Variants in DPYD observed in about 807,000 individuals in gnomAD.
DPYD encodes the protein dihydropyrimidine dehydrogenase [NADP(+)].
In DPYD, 109 loss-of-function variants were observed where a neutral mutation model predicts 116.2. The ratio of observed to expected loss-of-function variants is 0.94; its 90% CI spans 0.80 to 1.10. The LOEUF (loss-of-function observed/expected upper bound fraction) is 1.10. Among genes scored for constraint, DPYD ranks in the 50% least tolerant of loss-of-function variants. DPYD has a pLI of 0.00. For synonymous variants in DPYD, 440 were observed against 432.0 expected (o/e 1.02, Z -0.23); for missense variants, 1,302 against 1,254.5 (o/e 1.04, Z -0.57).
intron 8 of DPYD, among the ~76,000 whole-genome samples, chr1:97,643,341 T>C (rs1167279471): frequency 6.6e-6 from 1 of 152,152 alleles, no homozygotes; most frequent in Non-Finnish European, 1.5e-5. Flanking sequence ...AAAAAGCTCA[T>C]CATCCCTGGT....
At chr1:97,741,096 T>A (rs938148098) in intron 3 of DPYD, among the ~76,000 whole-genome samples, 2 of 152,114 alleles carry the variant, frequency 1.3e-5, no homozygotes, top group African/African-American at 4.8e-5. Flanking sequence ...GCCTTCCCTC[T>A]GCTGCTGAAG....
chr1:97,393,601 T>C (rs1175693340), intron 14 of DPYD, among the ~76,000 whole-genome samples: 2 of 152,106 alleles, frequency 1.3e-5, no homozygotes, highest in African/African-American at 2.4e-5. Flanking sequence ...GCTTCATCCA[T>C]GTCCCTACAA....
At chr1:97,752,278 A>G (rs1046781648) in intron 3 of DPYD, among the ~76,000 whole-genome samples, 3 of 148,600 alleles carry the variant, frequency 2.0e-5, no homozygotes, top group African/African-American at 7.5e-5. Flanking sequence ...AAAAATAAAA[A>G]GTAAACCTAC....
chr1:97,729,676 A>C (rs1206977385), intron 4 of DPYD, among the ~76,000 whole-genome samples: 2 of 152,042 alleles, frequency 1.3e-5, no homozygotes, highest in African/African-American at 4.8e-5. Context: ...AATGGTGGTA[A>C]ATTTTTTATA....
chr1:97,370,441 G>A (rs189144065), intron 16 of DPYD, among the ~76,000 whole-genome samples: 1 of 152,210 alleles, frequency 6.6e-6, no homozygotes, highest in African/African-American at 2.4e-5. Flanking sequence ...AGAGGGCTGA[G>A]AGCATTAGGA....
chr1:97,157,402 C>A (rs886473932), intron 20 of DPYD, among the ~76,000 whole-genome samples: 1 of 152,170 alleles, frequency 6.6e-6, no homozygotes, highest in African/African-American at 2.4e-5. Flanking sequence ...GTATTACCAT[C>A]ATCTTGCCTT....
intron 3 of DPYD, 64 bp downstream of exon 3, chr1:97,828,050 A>C (rs921522125): frequency 6.7e-7 from 1 of 1,490,898 alleles, no homozygotes; most frequent in African/African-American, 1.4e-5. Context: ...TTGTTCCCCA[A>C]ATAATGAAGA....
At chr1:97,720,091 A>C (rs1662833227) in intron 5 of DPYD, 1 of 984,900 alleles carries the variant, frequency 1.0e-6, no homozygotes, top group Non-Finnish European at 1.2e-6. Context: ...AGAGAAAAGA[A>C]TTAAAACCAT....
At chr1:97,762,905 A>C (rs751529882) in intron 3 of DPYD, among the ~76,000 whole-genome samples, 4 of 152,046 alleles carry the variant, frequency 2.6e-5, no homozygotes, top group Non-Finnish European at 5.9e-5. Context: ...CGTCGTCACA[A>C]CTGCTGTGAG....
At chr1:97,752,044 C>A (rs1038603043) in intron 3 of DPYD, among the ~76,000 whole-genome samples, 1 of 152,064 alleles carries the variant, frequency 6.6e-6, no homozygotes, top group Admixed American at 6.5e-5. Context: ...CAGCTGTGAG[C>A]CACTGTGCCT....
chr1:97,206,855 A>T (rs1457945208), intron 19 of DPYD, among the ~76,000 whole-genome samples: 1 of 151,182 alleles, frequency 6.6e-6, no homozygotes, highest in Non-Finnish European at 1.5e-5. Context: ...CAATATATGT[A>T]CATATATTTA....
intron 3 of DPYD, among the ~76,000 whole-genome samples, chr1:97,816,382 AT>A (rs1455839494): frequency 6.6e-6 from 1 of 152,194 alleles, no homozygotes; most frequent in Non-Finnish European, 1.5e-5. Flanking sequence ...CATTGACTAA[AT>A]TTTTAATAAA....
chr1:97,730,647 C>T (rs756797492), intron 4 of DPYD, among the ~76,000 whole-genome samples: 3 of 151,900 alleles, frequency 2.0e-5, no homozygotes, highest in Non-Finnish European at 4.4e-5. Context: ...AAAAGCCCCA[C>T]TTTATCCAGG....
At chr1:97,289,713 T>A (rs1044318128) in intron 18 of DPYD, among the ~76,000 whole-genome samples, 13 of 152,200 alleles carry the variant, frequency 8.5e-5, no homozygotes, top group Admixed American at 2.0e-4. Context: ...TATCTATGAC[T>A]AACCCACAGC....
intron 20 of DPYD, among the ~76,000 whole-genome samples, chr1:97,177,840 A>G (rs1055523458): frequency 6.6e-6 from 1 of 152,086 alleles, no homozygotes; most frequent in African/African-American, 2.4e-5. Context: ...ACATACATTT[A>G]TTTCTCACCA....
intron 3 of DPYD, among the ~76,000 whole-genome samples, chr1:97,795,135 T>C (rs1667500797): frequency 6.6e-6 from 1 of 152,076 alleles, no homozygotes; most frequent in African/African-American, 2.4e-5. Context: ...GTTAAAGTCA[T>C]ACTTCTTTAT....
rs764945792 is a variant in DPYD, at chr1:97,679,175, C to T, written c.770G>A (p.Cys257Tyr). ...TTCATTCACTGAAAGGCTTTTACCG[C>T]AAATTATCTATAAGAAACAATATTT... is the stretch of plus-strand genomic sequence containing the variant. ...LMKDLGVKII[C>Y]GKSLSVNEMT... The change falls in exon 8 of 23, where the codon TGC (cysteine) becomes TAC (tyrosine). Residue 257 changes from cysteine to tyrosine, a missense_variant. Physicochemically the swap from Cys to Tyr is radical, Grantham distance 194. Transcript: ENST00000370192. 4 of 1,555,048 alleles carry T rather than the reference C, an allele frequency of 2.6e-6. No homozygotes were observed. Among genetic ancestry groups the T allele is most frequent in the Admixed American group, 3.4e-5 (2 of 57,972 alleles).
At chr1:97,119,544 G>T (rs972993016) in intron 20 of DPYD, among the ~76,000 whole-genome samples, 15 of 152,070 alleles carry the variant, frequency 9.9e-5, no homozygotes, top group Non-Finnish European at 1.8e-4. Flanking sequence ...TATGCTTTTT[G>T]TTAGGATTCT....
At position 97,511,149 on chromosome 1, in the gene DPYD, T is replaced by C. The variant is rs184952009; in HGVS notation, c.1740+4577A>G. Among the ~76,000 whole-genome samples, 85 of 152,110 alleles carry C rather than the reference T, an allele frequency of 5.6e-4. 2 individuals are homozygous for C. The highest frequency in any genetic ancestry group is 4.1e-3 in the Admixed American group (63 of 15,266). On this transcript the variant is annotated intron_variant, in intron 13 of 22. Transcript: ENST00000370192. Reference sequence around the variant, plus strand: ...CCCAAATTGCCAACCCACATGACTATAGTCAAATAGATAACTGTTGTCTTA... The same window carrying C: ...CCCAAATTGCCAACCCACATGACTACAGTCAAATAGATAACTGTTGTCTTA...
Sources: gnomAD v4.1 joint callset for allele counts (sites outside exome capture counted in the v4.1 genomes callset) on GRCh38, gnomAD v4.1.1 for gene constraint, MANE v1.5 for transcripts, NCBI Gene and HGNC (gene_info 2026-07-23, HGNC 2026-07-21) for gene names.